PTPRM: variants seen among roughly 807,000 people sequenced by gnomAD.
The protein encoded by PTPRM is receptor-type tyrosine-protein phosphatase mu.
PTPRM carries 47 observed loss-of-function variants against 186.7 expected under a neutral mutation model. That is an observed-to-expected ratio of 0.25 (90% confidence interval 0.20 to 0.32). The LOEUF (loss-of-function observed/expected upper bound fraction) is 0.32. PTPRM is among the 10% of genes least tolerant of loss of function. The pLI, the probability that PTPRM is intolerant of heterozygous loss-of-function variation, is 1.00. For missense variants in PTPRM, 1,494 were observed against 1,865.0 expected (o/e 0.80, Z 3.66); for synonymous variants, 668 against 674.9 (o/e 0.99, Z 0.16).
intron 14 of PTPRM, among the ~76,000 whole-genome samples, chr18:8,207,087 C>T (rs559872013): frequency 2.6e-5 from 4 of 152,270 alleles, no homozygotes; most frequent in East Asian, 1.9e-4. Context: ...TAATAAATTT[C>T]TCTGGTTCTG....
intron 8 of PTPRM, among the ~76,000 whole-genome samples, chr18:8,074,409 G>A (rs535161004): frequency 1.3e-5 from 2 of 152,198 alleles, no homozygotes; most frequent in African/African-American, 4.8e-5. Flanking sequence ...CTTTTCCTGA[G>A]TACATACCTA....
chr18:8,042,433 C>T (rs917679900), intron 7 of PTPRM, among the ~76,000 whole-genome samples: 3 of 152,156 alleles, frequency 2.0e-5, no homozygotes, highest in Admixed American at 6.5e-5. Context: ...TATCTTATTA[C>T]TGTCAGTTTC....
intron 2 of PTPRM, among the ~76,000 whole-genome samples, chr18:7,825,424 GA>G (rs2045432957): frequency 6.6e-6 from 1 of 152,168 alleles, no homozygotes; most frequent in Non-Finnish European, 1.5e-5. Flanking sequence ...AGAGCACTAT[GA>G]ACTGAGAAAG....
intron 7 of PTPRM, chr18:8,049,425 A>T (rs2148246931): frequency 6.6e-6 from 1 of 152,342 alleles, no homozygotes; most frequent in East Asian, 1.9e-4. Flanking sequence ...TTTTCACAGA[A>T]AATAGGTAAA....
At chr18:8,292,996 G>C (rs1374621544) in intron 19 of PTPRM, among the ~76,000 whole-genome samples, 1 of 152,198 alleles carries the variant, frequency 6.6e-6, no homozygotes, top group Non-Finnish European at 1.5e-5. Flanking sequence ...TGTGTTAGAA[G>C]ATGTTGAGGT....
chr18:8,300,826 A>T (rs1601704135), intron 20 of PTPRM, among the ~76,000 whole-genome samples: 1 of 152,030 alleles, frequency 6.6e-6, no homozygotes, highest in East Asian at 1.9e-4. Context: ...CAGCCTCCTA[A>T]TCTTCCTCTC....
chr18:7,624,553 A>T (rs1217006416), intron 1 of PTPRM, among the ~76,000 whole-genome samples: 1 of 151,652 alleles, frequency 6.6e-6, no homozygotes, highest in Non-Finnish European at 1.5e-5. Context: ...TGGCGTCATC[A>T]TGGCTTACTG....
Position 8,355,190 on chromosome 18 carries a change from G to A in PTPRM, c.3054+11670G>A, listed in dbSNP as rs114748713. 4.7e-3 allele frequency among the ~76,000 whole-genome samples: 722 copies of A among 152,254 alleles called. 4 individuals carry two copies. Among genetic ancestry groups the A allele is most frequent in the African/African-American group, 0.016 (679 of 41,548 alleles). On this transcript the variant is annotated intron_variant, in intron 23 of 32. Transcript: ENST00000580170. ...GGGAGGGGGCATCAAGCAAAGGGAT[G>A]AAATTCCGTGATAAAGGTTTCACAG...
intron 1 of PTPRM, among the ~76,000 whole-genome samples, chr18:7,745,233 C>T (rs1172159511): frequency 6.6e-6 from 1 of 152,124 alleles, no homozygotes; most frequent in Non-Finnish European, 1.5e-5. Flanking sequence ...TTAAGCCAAC[C>T]CTTTTGCTAA....
intron 14 of PTPRM, among the ~76,000 whole-genome samples, chr18:8,224,239 C>T (rs1021437490): frequency 6.6e-6 from 1 of 152,160 alleles, no homozygotes; most frequent in Non-Finnish European, 1.5e-5. Context: ...AATCATGCAA[C>T]TGCCACCTGA....
intron 5 of PTPRM, among the ~76,000 whole-genome samples, chr18:7,931,655 C>T (rs939388451): frequency 1.3e-5 from 2 of 152,040 alleles, no homozygotes; most frequent in Admixed American, 6.6e-5. Flanking sequence ...GAGCCGAGGT[C>T]GTGCCACTGC....
chr18:7,918,078 TTGTG>T (rs35838540), intron 4 of PTPRM, among the ~76,000 whole-genome samples: 6,474 of 148,080 alleles, frequency 0.044, 191 homozygotes, highest in Non-Finnish European at 0.07. Context: ...TCTTGTGTGT[TTGTG>T]TGTGTGTGTG....
At chr18:8,218,700 A>G (rs1420769713) in intron 14 of PTPRM, among the ~76,000 whole-genome samples, 1 of 152,192 alleles carries the variant, frequency 6.6e-6, no homozygotes, top group Non-Finnish European at 1.5e-5. Context: ...TGCATGAAGC[A>G]TGGGTAATGG....
At chr18:7,605,784 C>G (rs1483859617) in intron 1 of PTPRM, among the ~76,000 whole-genome samples, 1 of 152,162 alleles carries the variant, frequency 6.6e-6, no homozygotes. Flanking sequence ...GAGAGGTCTG[C>G]CGTGTTGTCA....
chr18:7,809,277 T>C (rs115575312), intron 2 of PTPRM, among the ~76,000 whole-genome samples: 2,972 of 152,190 alleles, frequency 0.02, 90 homozygotes, highest in African/African-American at 0.067. Flanking sequence ...TTCTCTGTGC[T>C]CTATTTTCCA....
At chr18:7,858,020 T>C (rs538502394) in intron 2 of PTPRM, among the ~76,000 whole-genome samples, 75 of 152,312 alleles carry the variant, frequency 4.9e-4, no homozygotes, top group Non-Finnish European at 8.1e-4. Flanking sequence ...TCTTGGGTTA[T>C]AAGGCTCTTG....
At chr18:8,358,917 A>G (rs1402739772) in intron 23 of PTPRM, among the ~76,000 whole-genome samples, 1 of 152,224 alleles carries the variant, frequency 6.6e-6, no homozygotes, top group Admixed American at 6.5e-5. Flanking sequence ...TTTCTTCTAC[A>G]TTGGAAGAAG....
At chr18:7,705,658 T>C (rs1242726708) in intron 1 of PTPRM, among the ~76,000 whole-genome samples, 6 of 151,788 alleles carry the variant, frequency 4.0e-5, no homozygotes, top group Non-Finnish European at 7.4e-5. Context: ...TTTTGTTGAT[T>C]TTAAGGATTA....
chr18:7,926,928 A>G (rs1338200820), intron 5 of PTPRM, among the ~76,000 whole-genome samples: 1 of 151,984 alleles, frequency 6.6e-6, no homozygotes, highest in African/African-American at 2.4e-5. Flanking sequence ...TGATTGTCAA[A>G]TTACTTATAT....
Sources: gnomAD v4.1 joint callset for allele counts (sites outside exome capture counted in the v4.1 genomes callset) on GRCh38, gnomAD v4.1.1 for gene constraint, MANE v1.5 for transcripts, NCBI Gene and HGNC (gene_info 2026-07-23, HGNC 2026-07-21) for gene names.